The following CSMD1 variants were observed in gnomAD, a reference collection of about 807,000 sequenced individuals.
CSMD1 encodes the protein CUB and Sushi multiple domains 1.
CSMD1 carries 213 observed loss-of-function variants against 417.5 expected under a neutral mutation model. The ratio of observed to expected loss-of-function variants is 0.51; its 90% CI spans 0.46 to 0.57. CSMD1 has a LOEUF of 0.57. Ranked by LOEUF, CSMD1 falls within the 20% of genes least tolerant of loss-of-function variation. The pLI is 0.00. For missense variants in CSMD1, 6,923 were observed against 4,529.7 expected (o/e 1.53, Z -15.17); for synonymous variants, 2,862 against 1,736.8 (o/e 1.65, Z -16.11).
At chr8:3,960,916 G>GATT (rs1563256959) in intron 5 of CSMD1, among the ~76,000 whole-genome samples, 1 of 151,886 alleles carries the variant, frequency 6.6e-6, no homozygotes, top group Admixed American at 6.6e-5. Flanking sequence ...TCTAGACTTA[G>GATT]ATTATTCCTC....
At chr8:4,519,753 A>C (rs1177995716) in intron 2 of CSMD1, among the ~76,000 whole-genome samples, 1 of 75,712 alleles carries the variant, frequency 1.3e-5, no homozygotes, top group Non-Finnish European at 2.8e-5. Context: ...AAAAAAAAAA[A>C]AAAAAAAAAA....
intron 7 of CSMD1, among the ~76,000 whole-genome samples, chr8:3,699,757 A>G (rs1482753775): frequency 6.6e-6 from 1 of 152,226 alleles, no homozygotes; most frequent in Non-Finnish European, 1.5e-5. Flanking sequence ...ATGCTCCGCA[A>G]CGAGGGACTG....
intron 5 of CSMD1, among the ~76,000 whole-genome samples, chr8:3,785,566 C>T (rs79399239): frequency 0.13 from 19,999 of 152,224 alleles, 1,696 homozygotes; most frequent in African/African-American, 0.23. Context: ...GAGAGGTAAG[C>T]GGTGCTAAGA....
At chr8:4,908,504 C>A (rs1805450222) in intron 1 of CSMD1, among the ~76,000 whole-genome samples, 1 of 151,898 alleles carries the variant, frequency 6.6e-6, no homozygotes, top group African/African-American at 2.4e-5. Context: ...CTTTTGAAAC[C>A]ATTCCATAGT....
intron 2 of CSMD1, among the ~76,000 whole-genome samples, chr8:4,516,468 G>C (rs1180619392): frequency 2.0e-5 from 3 of 152,150 alleles, no homozygotes; most frequent in African/African-American, 7.2e-5. Context: ...AGGCTGCTGA[G>C]AGACAACGGC....
At chr8:3,460,183 T>C (rs1211628466) in intron 12 of CSMD1, among the ~76,000 whole-genome samples, 3 of 152,130 alleles carry the variant, frequency 2.0e-5, no homozygotes, top group Non-Finnish European at 2.9e-5. Context: ...GTGAGGCTTA[T>C]TGGGGAAAGT....
intron 2 of CSMD1, among the ~76,000 whole-genome samples, chr8:4,431,205 C>G (rs934835865): frequency 2.0e-5 from 3 of 152,044 alleles, no homozygotes; most frequent in Admixed American, 1.3e-4. Flanking sequence ...TATTCCAGGT[C>G]TGTTTTCATT....
intron 26 of CSMD1, among the ~76,000 whole-genome samples, chr8:3,262,544 A>G (rs1801157578): frequency 6.6e-6 from 1 of 152,042 alleles, no homozygotes; most frequent in Admixed American, 6.6e-5. Flanking sequence ...CAAATGAAAA[A>G]AAAAAGAAAA....
chr8:3,784,825 C>A (rs17067516), intron 5 of CSMD1, among the ~76,000 whole-genome samples: 1 of 152,140 alleles, frequency 6.6e-6, no homozygotes, highest in Non-Finnish European at 1.5e-5. Flanking sequence ...GCACCATTTC[C>A]GCTGATTTTC....
At chr8:4,160,293 A>C (rs1554475201) in intron 3 of CSMD1, among the ~76,000 whole-genome samples, 7 of 152,230 alleles carry the variant, frequency 4.6e-5, no homozygotes, top group Non-Finnish European at 1.0e-4. Context: ...TACTGAATTT[A>C]GGAAACTCTC....
chr8:4,751,093 G>C (rs759047442), intron 1 of CSMD1, among the ~76,000 whole-genome samples: 8 of 152,192 alleles, frequency 5.3e-5, no homozygotes, highest in South Asian at 2.1e-4. Context: ...TCGTTAAAGA[G>C]AGCATGTCTG....
intron 1 of CSMD1, among the ~76,000 whole-genome samples, chr8:4,837,445 A>G (rs921608732): frequency 1.3e-5 from 2 of 152,230 alleles, no homozygotes; most frequent in African/African-American, 2.4e-5. Context: ...TTGCAACAAC[A>G]TGGATGCAAC....
chr8:3,408,479 C>T (rs1406428288), intron 13 of CSMD1, among the ~76,000 whole-genome samples: 1 of 150,992 alleles, frequency 6.6e-6, no homozygotes, highest in Admixed American at 6.6e-5. Flanking sequence ...CAAAAATGAT[C>T]CTTTCCAGTT....
chr8:3,574,830 A>T, intron 10 of CSMD1, 115 bp downstream of exon 10: 2 of 1,254,388 alleles, frequency 1.6e-6, no homozygotes, highest in East Asian at 2.4e-5. Flanking sequence ...GGAACTTTTA[A>T]ATTCAAACAG....
intron 5 of CSMD1, among the ~76,000 whole-genome samples, chr8:3,768,610 G>T (rs577986932): frequency 6.6e-6 from 1 of 152,186 alleles, no homozygotes; most frequent in African/African-American, 2.4e-5. Flanking sequence ...ACATTAAATA[G>T]AAGCAGGAAT....
At chr8:4,966,854 A>T (rs1482431981) in intron 1 of CSMD1, among the ~76,000 whole-genome samples, 1 of 152,206 alleles carries the variant, frequency 6.6e-6, no homozygotes, top group Non-Finnish European at 1.5e-5. Flanking sequence ...GAAGTTAATT[A>T]TGTAAGATCA....
rs116869232 is a variant in CSMD1, at chr8:3,822,174, C to T, written c.819-68132G>A. On this transcript the variant is annotated intron_variant, in intron 5 of 69. Transcript: ENST00000635120. Reference sequence around the variant, plus strand: ...CTCCTTTCTGAGCCAACCCTTGAATCGTTTAAGCACTGCTAGTCACTTCAT... The same window carrying T: ...CTCCTTTCTGAGCCAACCCTTGAATTGTTTAAGCACTGCTAGTCACTTCAT... 9.5e-4 allele frequency among the ~76,000 whole-genome samples: 144 copies of T among 152,280 alleles called. 4 individuals carry two copies. The East Asian group carries it at 0.026, about 27-fold the overall frequency.
chr8:3,322,739 G>T (rs1000559787), intron 23 of CSMD1, among the ~76,000 whole-genome samples: 5 of 152,160 alleles, frequency 3.3e-5, no homozygotes, highest in African/African-American at 1.2e-4. Flanking sequence ...CCCATCCAGG[G>T]CATATCACGA....
At chr8:3,454,196 C>T (rs1339394839) in intron 12 of CSMD1, among the ~76,000 whole-genome samples, 1 of 152,130 alleles carries the variant, frequency 6.6e-6, no homozygotes, top group Non-Finnish European at 1.5e-5. Flanking sequence ...TATTTTGAGC[C>T]TATGTGTGTC....
Sources: gnomAD v4.1 joint callset for allele counts (sites outside exome capture counted in the v4.1 genomes callset) on GRCh38, gnomAD v4.1.1 for gene constraint, MANE v1.5 for transcripts, NCBI Gene and HGNC (gene_info 2026-07-23, HGNC 2026-07-21) for gene names.